The following RARB variants were observed in gnomAD, a reference collection of about 807,000 sequenced individuals.
RARB encodes the protein HBV-activated protein.
Under a neutral mutation model 51.9 loss-of-function variants are expected in RARB, and 17 were observed. The ratio of observed to expected loss-of-function variants is 0.33; its 90% CI spans 0.22 to 0.49. The LOEUF is 0.49. Among genes scored for constraint, RARB ranks in the 20% least tolerant of loss-of-function variants. The probability of loss-of-function intolerance (pLI) is 0.99; values close to 1 mark genes in which losing one functional copy is unlikely to be tolerated. For synonymous variants in RARB, 215 were observed against 195.4 expected, an observed-to-expected ratio of 1.10 and a Z score of -0.84; for missense variants, 369 against 550.8, an observed-to-expected ratio of 0.67 and a Z score of 3.30.
At chr3:25,282,609 T>C (rs1487762539) in intron 5 of RARB, among the ~76,000 whole-genome samples, 1 of 152,196 alleles carries the variant, frequency 6.6e-6, no homozygotes, top group South Asian at 2.1e-4. Context: ...GGAATATAGA[T>C]GGTGCTTGAT....
intron 5 of RARB, among the ~76,000 whole-genome samples, chr3:25,358,362 A>G (rs1468450216): frequency 6.6e-6 from 1 of 152,190 alleles, no homozygotes; most frequent in African/African-American, 2.4e-5. Context: ...GTTACTTATC[A>G]GCTTAAGGAG....
chr3:25,276,185 T>C (rs1252429831), intron 5 of RARB, among the ~76,000 whole-genome samples: 1 of 152,242 alleles, frequency 6.6e-6, no homozygotes, highest in Non-Finnish European at 1.5e-5. Flanking sequence ...GTCTTTTTGA[T>C]AATAGCTATT....
At chr3:25,114,889 G>T (rs550660783) in intron 3 of RARB, among the ~76,000 whole-genome samples, 83 of 152,260 alleles carry the variant, frequency 5.5e-4, no homozygotes, top group African/African-American at 2.0e-3. Context: ...AAAATGAAAA[G>T]TTATAAAATA....
At position 25,271,922 on chromosome 3, in the gene RARB, C is replaced by A. The variant is rs145329849; in HGVS notation, c.178+97347C>A. 1.9e-3 allele frequency among the ~76,000 whole-genome samples: 286 copies of A among 152,240 alleles called. 1 individual carries two copies. The highest frequency in any genetic ancestry group is 6.7e-3 in the African/African-American group (277 of 41,528). ...TACTTATCTTTGTCCTTTACAAATT[C>A]TTTGTCTCCTGCCTGGTTGGGAGAG... On this transcript the variant is annotated intron_variant, in intron 5 of 11. Transcript: ENST00000383772.
chr3:25,150,934 C>T (rs982819640), intron 4 of RARB, among the ~76,000 whole-genome samples: 1 of 152,120 alleles, frequency 6.6e-6, no homozygotes, highest in African/African-American at 2.4e-5. Flanking sequence ...TGTTTTTGCT[C>T]ATAAGGCAGT....
rs560912764 is a variant in RARB at position 25,521,258 on chromosome 3, C to T, written c.448+19935C>T. The stretch of plus-strand genomic sequence containing the variant: ...CTTGTCACGGTAGAACTTCCCCGGC[C>T]TACTTAGCTTTCAAACTTTGCGCAT... On this transcript the variant is annotated intron_variant, in intron 3 of 7. Transcript: ENST00000330688. Among the ~76,000 whole-genome samples, 7 of 152,270 alleles carry T rather than the reference C, an allele frequency of 4.6e-5. No individual in the cohort carries two copies. In the South Asian group the frequency reaches 8.3e-4, roughly 18 times the overall value.
intron 5 of RARB, among the ~76,000 whole-genome samples, chr3:25,251,981 C>G (rs569432966): frequency 3.6e-4 from 55 of 151,934 alleles, no homozygotes; most frequent in African/African-American, 1.2e-3. Context: ...TAACAGTTTT[C>G]TAGTTTTAGC....
rs574655752 is a variant in RARB, at chr3:25,319,294, T to C, written c.179-141899T>C. On this transcript the variant is annotated intron_variant, in intron 5 of 11. Coordinates refer to the RARB transcript ENST00000383772. ...CCTCCCAGGATACAGTTTAATGGCA[T>C]AGACGATGCCCACATAATAACTAAA... Among the ~76,000 whole-genome samples, 313 of 152,302 alleles carry C rather than the reference T, an allele frequency of 2.1e-3. 1 individual carries two copies. Among genetic ancestry groups the C allele is most frequent in the Non-Finnish European group, 1.4e-3 (93 of 68,012 alleles).
chr3:25,561,299 T>G (rs112292111), intron 3 of RARB, among the ~76,000 whole-genome samples: 1 of 152,200 alleles, frequency 6.6e-6, no homozygotes, highest in East Asian at 1.9e-4. Context: ...GAGGGAACCA[T>G]GTATTCAAAT....
intron 5 of RARB, among the ~76,000 whole-genome samples, chr3:25,379,346 CAAAA>C (rs548196018): frequency 4.0e-5 from 6 of 151,080 alleles, no homozygotes; most frequent in Non-Finnish European, 5.9e-5. Context: ...AACATGGAAA[CAAAA>C]AAAAATTACT....
At chr3:25,165,833 A>G (rs1700552120) in intron 4 of RARB, among the ~76,000 whole-genome samples, 2 of 152,160 alleles carry the variant, frequency 1.3e-5, no homozygotes, top group Non-Finnish European at 2.9e-5. Context: ...ATAGAAGTAA[A>G]ATCTCAGTGT....
chr3:25,525,987 G>T (rs539304772), intron 3 of RARB, among the ~76,000 whole-genome samples: 4 of 152,312 alleles, frequency 2.6e-5, no homozygotes, highest in Non-Finnish European at 5.9e-5. Context: ...TCCTCTTGGC[G>T]TTTTCATTTA....
intron 2 of RARB, among the ~76,000 whole-genome samples, chr3:24,981,445 C>A (rs1696669867): frequency 6.6e-6 from 1 of 152,114 alleles, no homozygotes; most frequent in East Asian, 1.9e-4. Context: ...AGCTTCCCTG[C>A]CTCTTTGTTT....
chr3:25,094,716 CA>C (rs57477720), intron 3 of RARB, among the ~76,000 whole-genome samples: 814 of 42,996 alleles, frequency 0.019, 6 homozygotes, highest in African/African-American at 0.072. Context: ...GACCCCATCT[CA>C]AAAAAAAAAA....
intron 5 of RARB, among the ~76,000 whole-genome samples, chr3:25,389,780 T>G (rs985256992): frequency 6.6e-6 from 1 of 152,182 alleles, no homozygotes; most frequent in African/African-American, 2.4e-5. Context: ...TGCACCTGTG[T>G]GCATAGAAAT....
At chr3:25,156,205 A>G (rs1700371692) in intron 4 of RARB, among the ~76,000 whole-genome samples, 1 of 152,234 alleles carries the variant, frequency 6.6e-6, no homozygotes, top group Admixed American at 6.5e-5. Context: ...GCAGGAATGA[A>G]TGGGATTTGA....
At chr3:25,129,000 T>C (rs2125332126) in intron 3 of RARB, among the ~76,000 whole-genome samples, 1 of 152,054 alleles carries the variant, frequency 6.6e-6, no homozygotes, top group East Asian at 1.9e-4. Context: ...AAACATAGAG[T>C]AAGAAGTTCC....
chr3:25,330,703 A>G (rs1055312822), intron 5 of RARB, among the ~76,000 whole-genome samples: 27 of 152,368 alleles, frequency 1.8e-4, no homozygotes, highest in Non-Finnish European at 3.2e-4. Context: ...GCTCCAATTA[A>G]AAGACACAGA....
At chr3:25,420,990 C>CAAAAAAAAAAAAAAAAAAA (rs376170107) in intron 5 of RARB, among the ~76,000 whole-genome samples, 1 of 62,414 alleles carries the variant, frequency 1.6e-5, no homozygotes, top group Non-Finnish European at 3.3e-5. Context: ...ACCACTTATG[C>CAAAAAAAAAAAAAAAAAAA]CAAAAAAAAA....
Sources: gnomAD v4.1 joint callset for allele counts (sites outside exome capture counted in the v4.1 genomes callset) on GRCh38, gnomAD v4.1.1 for gene constraint, MANE v1.5 for transcripts, NCBI Gene and HGNC (gene_info 2026-07-23, HGNC 2026-07-21) for gene names.